The following KSR2 variants were observed in gnomAD, a reference collection of about 807,000 sequenced individuals.
KSR2 encodes the protein kinase suppressor of ras 2.
A neutral mutation model predicts 107.8 loss-of-function variants in KSR2; 25 were observed. The ratio of observed to expected loss-of-function variants is 0.23; its 90% CI spans 0.17 to 0.32. KSR2 has a LOEUF of 0.32. Ranked by LOEUF, KSR2 falls within the 10% of genes least tolerant of loss-of-function variation. The probability of loss-of-function intolerance (pLI) is 1.00; values close to 1 mark genes in which losing one functional copy is unlikely to be tolerated. For missense variants in KSR2, 887 were observed against 1,268.9 expected, an observed-to-expected ratio of 0.70 and a Z score of 4.57; for synonymous variants, 480 against 507.0, an observed-to-expected ratio of 0.95 and a Z score of 0.71.
At chr12:117,712,621 G>A (rs551839414) in intron 4 of KSR2, among the ~76,000 whole-genome samples, 6 of 152,272 alleles carry the variant, frequency 3.9e-5, no homozygotes, top group Non-Finnish European at 8.8e-5. Context: ...CATTTAAAAG[G>A]CTTAACACAG....
chr12:117,698,376 T>G (rs1367953533), intron 4 of KSR2, among the ~76,000 whole-genome samples: 1 of 152,010 alleles, frequency 6.6e-6, no homozygotes, highest in Non-Finnish European at 1.5e-5. Flanking sequence ...CATGCAGTGA[T>G]GCAATCACAG....
chr12:117,591,504 C>T (rs1490217865), intron 5 of KSR2, among the ~76,000 whole-genome samples: 1 of 151,910 alleles, frequency 6.6e-6, no homozygotes, highest in Non-Finnish European at 1.5e-5. Context: ...TAGGAGATGC[C>T]CTGCTAGGAG....
At chr12:117,528,105 T>C (rs1424932225) in intron 12 of KSR2, among the ~76,000 whole-genome samples, 1 of 152,050 alleles carries the variant, frequency 6.6e-6, no homozygotes, top group East Asian at 1.9e-4. Context: ...ATAGGTATTA[T>C]GGGATGTGCT....
intron 5 of KSR2, among the ~76,000 whole-genome samples, chr12:117,628,452 G>A (rs11068586): frequency 0.027 from 4,162 of 152,282 alleles, 180 homozygotes; most frequent in East Asian, 0.15. Context: ...CTAATAGTCA[G>A]GTCCCTCAGC....
chr12:117,826,448 G>A (rs563595104), intron 3 of KSR2, among the ~76,000 whole-genome samples: 3 of 151,894 alleles, frequency 2.0e-5, no homozygotes, highest in East Asian at 3.9e-4. Flanking sequence ...CAGGCTACTG[G>A]GCACTGGGAA....
intron 5 of KSR2, among the ~76,000 whole-genome samples, chr12:117,603,686 T>G (rs1881079683): frequency 6.6e-6 from 1 of 152,040 alleles, no homozygotes; most frequent in Non-Finnish European, 1.5e-5. Flanking sequence ...AAATGAGAAA[T>G]AAAAAGAAAA....
intron 5 of KSR2, among the ~76,000 whole-genome samples, chr12:117,647,621 T>C (rs1010885058): frequency 4.6e-5 from 7 of 152,102 alleles, no homozygotes; most frequent in South Asian, 4.1e-4. Flanking sequence ...GGCATAATCA[T>C]AGCTGGGAGA....
intron 4 of KSR2, among the ~76,000 whole-genome samples, chr12:117,758,259 T>A (rs1428224126): frequency 6.6e-6 from 1 of 152,194 alleles, no homozygotes; most frequent in East Asian, 1.9e-4. Context: ...TCACCTCAAC[T>A]AACGCCTCCT....
chr12:117,770,850 G>A (rs1247230080), intron 3 of KSR2, among the ~76,000 whole-genome samples: 4 of 151,534 alleles, frequency 2.6e-5, no homozygotes, highest in Admixed American at 6.6e-5. Context: ...GGTGGCGGGC[G>A]CCTATAGTCC....
intron 5 of KSR2, among the ~76,000 whole-genome samples, chr12:117,590,549 T>C (rs576375748): frequency 1.9e-3 from 292 of 152,326 alleles, no homozygotes; most frequent in African/African-American, 6.6e-3. Context: ...GATGTAGTAT[T>C]GTTATTATTG....
chr12:117,803,529 C>T (rs374453968), intron 3 of KSR2, among the ~76,000 whole-genome samples: 1 of 151,880 alleles, frequency 6.6e-6, no homozygotes, highest in African/African-American at 2.4e-5. Context: ...GGTGAAACCC[C>T]GTCTCTACTA....
chr12:117,724,209 T>G (rs9651901), intron 4 of KSR2, among the ~76,000 whole-genome samples: 69,152 of 151,052 alleles, frequency 0.46, 16,617 homozygotes, highest in African/African-American at 0.6. Context: ...TTAGGAGGCT[T>G]ACGTGGGAGA....
intron 5 of KSR2, among the ~76,000 whole-genome samples, chr12:117,617,400 G>C (rs1234158288): frequency 6.6e-6 from 1 of 151,978 alleles, no homozygotes; most frequent in Non-Finnish European, 1.5e-5. Flanking sequence ...ATATTCATTT[G>C]ACTTTTTTAT....
At chr12:117,509,107 G>A (rs1340153123) in intron 14 of KSR2, among the ~76,000 whole-genome samples, 1 of 152,130 alleles carries the variant, frequency 6.6e-6, no homozygotes, top group African/African-American at 2.4e-5. Flanking sequence ...TTCAGCTTAG[G>A]TCAAACAGGT....
intron 12 of KSR2, among the ~76,000 whole-genome samples, chr12:117,527,745 T>C (rs922682030): frequency 6.6e-6 from 1 of 152,188 alleles, no homozygotes; most frequent in African/African-American, 2.4e-5. Flanking sequence ...AAAGCCAGTA[T>C]GTAGATACTA....
intron 14 of KSR2, among the ~76,000 whole-genome samples, chr12:117,521,466 T>A (rs907804698): frequency 2.6e-5 from 4 of 152,220 alleles, no homozygotes; most frequent in African/African-American, 9.6e-5. Context: ...CATGAGTGAT[T>A]GCGCAGACCG....
chr12:117,636,084 A>C (rs535053788), intron 5 of KSR2, among the ~76,000 whole-genome samples: 10 of 152,194 alleles, frequency 6.6e-5, no homozygotes, highest in African/African-American at 2.4e-4. Flanking sequence ...GAGCCAGGGC[A>C]CCTGGCCAGT....
intron 1 of KSR2, among the ~76,000 whole-genome samples, chr12:117,916,100 A>G (rs1365260603): frequency 6.6e-6 from 1 of 151,136 alleles, no homozygotes; most frequent in African/African-American, 2.4e-5. Context: ...AGTTCTCTAC[A>G]AGACTTTTTA....
intron 4 of KSR2, chr12:117,677,089 A>G (rs778813982): frequency 6.6e-6 from 1 of 152,244 alleles, no homozygotes; most frequent in Non-Finnish European, 1.5e-5. Context: ...ATACAACAGC[A>G]TCATCAAAGG....
Sources: allele counts gnomAD v4.1 joint callset (sites outside exome capture counted in the v4.1 genomes callset), GRCh38; gene constraint gnomAD v4.1.1; transcripts MANE v1.5; gene names NCBI Gene and HGNC (gene_info 2026-07-23, HGNC 2026-07-21).